N4BP1: variants seen among roughly 807,000 people sequenced by gnomAD.
N4BP1 encodes the protein NEDD4-binding protein 1.
Under a neutral mutation model 70.9 loss-of-function variants are expected in N4BP1, and 21 were observed. The ratio of observed to expected loss-of-function variants is 0.30; its 90% CI spans 0.21 to 0.43. N4BP1 has a LOEUF of 0.43. Ranked by LOEUF, N4BP1 falls within the 20% of genes least tolerant of loss-of-function variation. The probability of loss-of-function intolerance (pLI) is 1.00; values close to 1 mark genes in which losing one functional copy is unlikely to be tolerated. For missense variants in N4BP1, 936 were observed against 1,069.4 expected (o/e 0.88, Z 1.74); for synonymous variants, 387 against 394.6 (o/e 0.98, Z 0.23).
chr16:48,557,582 G>T (rs558643392), intron 2 of N4BP1, among the ~76,000 whole-genome samples: 1 of 152,178 alleles, frequency 6.6e-6, no homozygotes, highest in South Asian at 2.1e-4. Flanking sequence ...TATGGCCTCA[G>T]TTAAAAATCT....
At chr16:48,600,317 C>G in intron 1 of N4BP1, 1 of 1,085,170 alleles carries the variant, frequency 9.2e-7, no homozygotes, top group Non-Finnish European at 1.4e-6. Context: ...TTAGGTGGAC[C>G]AAAGCATTCC....
chr16:48,547,592 C>T (rs544638066), intron 5 of N4BP1, among the ~76,000 whole-genome samples: 1 of 152,134 alleles, frequency 6.6e-6, no homozygotes, highest in Non-Finnish European at 1.5e-5. Flanking sequence ...AAGTGAAAGC[C>T]CAGTCAGCAC....
chr16:48,569,610 T>C (rs1185749776), intron 1 of N4BP1, among the ~76,000 whole-genome samples: 1 of 152,138 alleles, frequency 6.6e-6, no homozygotes, highest in Non-Finnish European at 1.5e-5. Flanking sequence ...CAGGCTGGCC[T>C]TGAACTCACC....
chr16:48,610,041 T>A lies in N4BP1; in HGVS notation c.-69A>T. The A allele has an allele frequency of 1.1e-6, 1 of 929,764 alleles. No individual in the cohort carries two copies. Among genetic ancestry groups the A allele is most frequent in the Non-Finnish European group, 1.3e-6 (1 of 764,232 alleles). The allele number at this position is 929,764 out of a possible 1,614,324, so 57.6% of individuals were successfully genotyped here. Reference sequence around the variant, plus strand: ...CGACGCCCCCTCAGCTTGCTGCCGCTGCTCCCAAGCCAGTCAGGCGGCGTC... The same window carrying A: ...CGACGCCCCCTCAGCTTGCTGCCGCAGCTCCCAAGCCAGTCAGGCGGCGTC... On this transcript the variant is annotated 5_prime_UTR_variant, in exon 1 of 7. Coordinates refer to ENST00000262384, the MANE Select transcript of N4BP1 (RefSeq NM_153029.4).
At chr16:48,556,614 G>A (rs1024285474) in intron 2 of N4BP1, among the ~76,000 whole-genome samples, 2 of 152,140 alleles carry the variant, frequency 1.3e-5, no homozygotes, top group African/African-American at 2.4e-5. Context: ...ATTGGTTAAA[G>A]GTTATATCAT....
At chr16:48,547,706 CACTTA>C (rs753760243) in intron 5 of N4BP1, among the ~76,000 whole-genome samples, 32 of 152,196 alleles carry the variant, frequency 2.1e-4, no homozygotes, top group Non-Finnish European at 4.3e-4. Flanking sequence ...TGCTCCATCA[CACTTA>C]ACTGTACCTC....
intron 1 of N4BP1, among the ~76,000 whole-genome samples, chr16:48,584,847 C>T (rs537651169): frequency 7.9e-5 from 12 of 152,250 alleles, no homozygotes; most frequent in South Asian, 2.1e-4. Flanking sequence ...ATAATTCTCA[C>T]GCAAATCAGT....
In N4BP1 at chr16:48,540,572, G is replaced by A. The variant is rs1963482243; in HGVS notation, c.*2332C>T. 1 of 152,440 alleles carries A rather than the reference G, an allele frequency of 6.6e-6. No individual in the cohort carries two copies. Among genetic ancestry groups the A allele is most frequent in the Non-Finnish European group, 1.5e-5 (1 of 68,192 alleles). 9.4% of individuals were successfully genotyped at this position (152,440 alleles called of 1,614,324 possible). On this transcript the variant is annotated 3_prime_UTR_variant, in exon 7 of 7. Transcript: ENST00000262384. ...CCAGAGACAGCGGCCTGGAGCCTCG[G>A]GAAGAATGTAGGCCCAGGAATCACC...
rs1420121355 is a variant in N4BP1, at chr16:48,561,957, T to C, written c.686A>G (p.Glu229Gly). ...TCTTGCCTCTTCCTGCAAAACAGTT[T>C]CATCTCTAGAAATATTCAGCCCTGT... ...AATGLNISRD[E>G]TVLQEEARNK... The change falls in exon 2 of 7, where the codon GAA (glutamate) becomes GGA (glycine). Residue 229 changes from glutamate to glycine, a missense_variant. By Grantham distance (98) the Glu-to-Gly change is moderately conservative (BLOSUM62 -2). Coordinates refer to ENST00000262384, the MANE Select transcript of N4BP1 (RefSeq NM_153029.4). 1.2e-6 allele frequency: 2 copies of C among 1,613,986 alleles called. No homozygotes were observed. The highest frequency in any genetic ancestry group is 1.7e-5 in the Admixed American group (1 of 60,012).
At chr16:48,600,882 A>G (rs1964486673) in intron 1 of N4BP1, among the ~76,000 whole-genome samples, 1 of 152,254 alleles carries the variant, frequency 6.6e-6, no homozygotes, top group African/African-American at 2.4e-5. Context: ...TAACTATAGA[A>G]GTGAATTGTG....
chr16:48,553,732 C>T (rs887381898), intron 2 of N4BP1, 63 bp from the exon 3 acceptor site: 8 of 1,338,256 alleles, frequency 6.0e-6, no homozygotes, highest in Non-Finnish European at 7.9e-6. Flanking sequence ...CAGTAAGTTT[C>T]ACCATGAAAA....
intron 1 of N4BP1, among the ~76,000 whole-genome samples, chr16:48,571,960 A>G (rs1410638500): frequency 1.3e-5 from 2 of 152,180 alleles, no homozygotes; most frequent in Non-Finnish European, 2.9e-5. Flanking sequence ...TCACTTTTGG[A>G]GGCTGAGGTA....
intron 1 of N4BP1, among the ~76,000 whole-genome samples, chr16:48,607,912 G>A (rs1964608654): frequency 6.6e-6 from 1 of 152,190 alleles, no homozygotes; most frequent in African/African-American, 2.4e-5. Flanking sequence ...CGCCCAGGCT[G>A]GAGTGCAGTG....
intron 1 of N4BP1, among the ~76,000 whole-genome samples, chr16:48,596,789 A>G (rs1825683): frequency 0.43 from 65,319 of 152,058 alleles, 15,705 homozygotes; most frequent in African/African-American, 0.65. Context: ...GTCTGCCTTT[A>G]CAGGACTAAC....
intron 4 of N4BP1, 23 bp downstream of exon 4, chr16:48,551,363 G>C (rs1468647447): frequency 6.2e-7 from 1 of 1,601,762 alleles, no homozygotes. Flanking sequence ...TCCAACCTTA[G>C]GAAGGAGAAT....
chr16:48,578,123 C>A, intron 1 of N4BP1: 1 of 168,728 alleles, frequency 5.9e-6, no homozygotes, highest in South Asian at 1.4e-4. Flanking sequence ...AGTCAATGAT[C>A]TTAGACTCCT....
At position 48,562,329 on chromosome 16, in the gene N4BP1, T is replaced by A. The variant is rs538474015; in HGVS notation, c.314A>T (p.Asp105Val). ...CAGAATGCAGAGGTCAGCACAAGTATCCTGAATCAAGCTTTTCAGAAACAG... is the reference window on the plus strand; with the variant it reads ...CAGAATGCAGAGGTCAGCACAAGTAACCTGAATCAAGCTTTTCAGAAACAG... ...ESLFLKSLIQDTCADLCILDI... is the reference protein window; with the variant it reads ...ESLFLKSLIQVTCADLCILDI... Residue 105 changes from aspartate to valine, a missense_variant, in exon 2 of 7, where the codon GAT (aspartate) becomes GTT (valine). Physicochemically the swap from Asp to Val is radical, Grantham distance 152. Transcript: ENST00000262384. 26 of 1,613,796 alleles carry A rather than the reference T, an allele frequency of 1.6e-5. No individual in the cohort carries two copies. Among genetic ancestry groups the A allele is most frequent in the Non-Finnish European group, 2.1e-5 (25 of 1,179,862 alleles).
intron 1 of N4BP1, among the ~76,000 whole-genome samples, chr16:48,571,571 T>G (rs552791154): frequency 2.6e-5 from 4 of 151,898 alleles, no homozygotes; most frequent in Non-Finnish European, 5.9e-5. Flanking sequence ...GTAAGTGGTT[T>G]CAAACAGATA....
intron 1 of N4BP1, among the ~76,000 whole-genome samples, chr16:48,593,023 T>A (rs1964359240): frequency 6.6e-6 from 1 of 152,328 alleles, no homozygotes; most frequent in South Asian, 2.1e-4. Context: ...AAAGGATTCA[T>A]GAAAGGAAAT....
Sources: allele counts gnomAD v4.1 joint callset (sites outside exome capture counted in the v4.1 genomes callset), GRCh38; gene constraint gnomAD v4.1.1; transcripts MANE v1.5; gene names NCBI Gene and HGNC (gene_info 2026-07-23, HGNC 2026-07-21).